Variants in DMD observed in about 807,000 individuals in gnomAD.
The protein encoded by DMD is dystrophin.
Under a neutral mutation model 330.1 loss-of-function variants are expected in DMD, and 63 were observed. The observed-to-expected ratio is 0.19, with a 90% CI of 0.16 to 0.24. DMD has a LOEUF of 0.24. Ranked by LOEUF, DMD falls within the 10% of genes least tolerant of loss-of-function variation. The pLI is 1.00. For missense variants in DMD, 3,344 were observed against 2,684.1 expected (o/e 1.25, Z -5.43); for synonymous variants, 1,223 against 959.8 (o/e 1.27, Z -5.07).
chrX:32,406,578 C>A (rs1334689330), intron 30 of DMD, among the ~76,000 whole-genome samples: 3 of 110,938 alleles, frequency 2.7e-5, no homozygotes, highest in Non-Finnish European at 5.7e-5. Flanking sequence ...TATATTGAAC[C>A]AGCCTTGCAT....
At chrX:31,895,766 C>T (rs144102855) in intron 47 of DMD, among the ~76,000 whole-genome samples, 1,294 of 111,916 alleles carry the variant, frequency 0.012, 6 homozygotes, top group Non-Finnish European at 0.018. Flanking sequence ...GCTGGAATCA[C>T]CTCTGACATG....
rs1201548479 is a variant in DMD at position 33,007,106 on chromosome X, C to A, written c.93+13033G>T. On this transcript the variant is annotated intron_variant, in intron 2 of 78. Transcript: ENST00000357033. ...ACTCATCTCTCTACTTCTACCTTTACATCCTACATTCTAACTTACATTATT... is the reference window on the plus strand; with the variant it reads ...ACTCATCTCTCTACTTCTACCTTTAAATCCTACATTCTAACTTACATTATT... Among the ~76,000 whole-genome samples the A allele has an allele frequency of 2.7e-5, 3 of 111,163 alleles. No individual in the cohort carries two copies. In the Admixed American group the frequency reaches 2.9e-4, roughly 11 times the overall value.
chrX:32,942,567 G>A (rs771681908), intron 2 of DMD, among the ~76,000 whole-genome samples: 1 of 110,934 alleles, frequency 9.0e-6, no homozygotes, highest in South Asian at 3.8e-4. Context: ...GAAAAAAAAA[G>A]AGAATCCATT....
At chrX:33,088,366 G>T (rs749116845) in intron 1 of DMD, among the ~76,000 whole-genome samples, 1 of 111,882 alleles carries the variant, frequency 8.9e-6, no homozygotes, top group Non-Finnish European at 1.9e-5. Flanking sequence ...TATTTTAATT[G>T]AGTTAATATG....
intron 48 of DMD, among the ~76,000 whole-genome samples, chrX:31,857,696 GAACA>G (rs2093638014): frequency 9.1e-6 from 1 of 110,260 alleles, no homozygotes; most frequent in East Asian, 2.8e-4. Flanking sequence ...TGAAATTACA[GAACA>G]AACTGAATGC....
chrX:32,725,745 T>G (rs959072441), intron 7 of DMD, among the ~76,000 whole-genome samples: 1 of 110,574 alleles, frequency 9.0e-6, no homozygotes, highest in Non-Finnish European at 1.9e-5. Context: ...CAAAAATTCC[T>G]TAGAAAGAAT....
At chrX:31,487,261 A>ATT (rs780359409) in intron 57 of DMD, among the ~76,000 whole-genome samples, 1 of 101,079 alleles carries the variant, frequency 9.9e-6, no homozygotes, top group Admixed American at 1.1e-4. Flanking sequence ...CTGTTAACAC[A>ATT]TTTTTTTTTT....
At chrX:31,923,808 G>T (rs2094728386) in intron 47 of DMD, among the ~76,000 whole-genome samples, 1 of 111,170 alleles carries the variant, frequency 9.0e-6, no homozygotes, top group African/African-American at 3.3e-5. Context: ...ATGTTGGCTG[G>T]GATGGTCTCG....
intron 60 of DMD, among the ~76,000 whole-genome samples, chrX:31,426,924 T>C (rs150336363): frequency 0.016 from 1,808 of 112,356 alleles, 17 homozygotes; most frequent in African/African-American, 0.032. Context: ...TTAAATGGTC[T>C]GGAATCATCA....
At chrX:31,741,438 C>T (rs779181704) in intron 51 of DMD, among the ~76,000 whole-genome samples, 50 of 111,762 alleles carry the variant, frequency 4.5e-4, no homozygotes, top group Non-Finnish European at 7.7e-4. Context: ...ACTTCTTGAT[C>T]CAAGGACTGC....
chrX:31,847,541 C>G (rs183107314), intron 48 of DMD, among the ~76,000 whole-genome samples: 1 of 111,433 alleles, frequency 9.0e-6, no homozygotes, highest in Non-Finnish European at 1.9e-5. Context: ...AATATTCTTT[C>G]GTACATATTT....
chrX:32,850,771 C>A (rs2081075551), intron 2 of DMD, among the ~76,000 whole-genome samples: 1 of 111,932 alleles, frequency 8.9e-6, no homozygotes. Context: ...ACAATCCCCT[C>A]ATGAGGTAAT....
intron 61 of DMD, among the ~76,000 whole-genome samples, chrX:31,332,359 A>T: frequency 8.9e-6 from 1 of 112,415 alleles, no homozygotes; most frequent in Non-Finnish European, 1.9e-5. Flanking sequence ...GCATGAGAAC[A>T]GAAGCTTTAT....
intron 44 of DMD, among the ~76,000 whole-genome samples, chrX:32,140,041 A>T (rs1250458687): frequency 8.9e-6 from 1 of 112,278 alleles, no homozygotes; most frequent in Non-Finnish European, 1.9e-5. Flanking sequence ...TAATATACTA[A>T]AATTACTTGT....
intron 2 of DMD, among the ~76,000 whole-genome samples, chrX:32,857,880 T>C (rs760995630): frequency 7.5e-4 from 83 of 111,398 alleles, no homozygotes; most frequent in Non-Finnish European, 1.4e-3. Flanking sequence ...CTTAAATACA[T>C]AGACCAAGGT....
intron 60 of DMD, among the ~76,000 whole-genome samples, chrX:31,443,974 T>C (rs924292046): frequency 1.8e-5 from 2 of 111,570 alleles, no homozygotes; most frequent in South Asian, 7.6e-4. Flanking sequence ...GTCTGGGTTG[T>C]AGGAGTGAAT....
intron 52 of DMD, among the ~76,000 whole-genome samples, chrX:31,687,644 A>T (rs2082775234): frequency 1.8e-5 from 2 of 112,092 alleles, no homozygotes; most frequent in African/African-American, 3.2e-5. Context: ...GCCACAATAG[A>T]ATAGAACATG....
chrX:33,292,187 T>A (rs1028823218), intron 1 of DMD, among the ~76,000 whole-genome samples: 22 of 111,381 alleles, frequency 2.0e-4, no homozygotes, highest in African/African-American at 6.8e-4. Context: ...CATTTTGGAA[T>A]CATTTTTTTA....
intron 55 of DMD, among the ~76,000 whole-genome samples, chrX:31,528,899 G>A (rs1387095115): frequency 9.0e-6 from 1 of 111,282 alleles, no homozygotes; most frequent in Non-Finnish European, 1.9e-5. Flanking sequence ...GGGAGGCCGA[G>A]GTAGGAGTAT....
Sources: gnomAD v4.1 joint callset for allele counts (sites outside exome capture counted in the v4.1 genomes callset) on GRCh38, gnomAD v4.1.1 for gene constraint, MANE v1.5 for transcripts, NCBI Gene and HGNC (gene_info 2026-07-23, HGNC 2026-07-21) for gene names.